Variants in CACNA1C observed in about 807,000 individuals in gnomAD.
CACNA1C encodes calcium voltage-gated channel subunit alpha1 C.
In CACNA1C, 30 loss-of-function variants were observed where a neutral mutation model predicts 229.0. The observed-to-expected ratio is 0.13, with a 90% CI of 0.10 to 0.18. CACNA1C has a LOEUF of 0.18. Ranked by LOEUF, CACNA1C falls within the 10% of genes least tolerant of loss-of-function variation. The probability of loss-of-function intolerance (pLI) is 1.00; values close to 1 mark genes in which losing one functional copy is unlikely to be tolerated. For synonymous variants in CACNA1C, 1,114 were observed against 1,132.5 expected, an observed-to-expected ratio of 0.98 and a Z score of 0.33; for missense variants, 1,658 against 2,845.0, an observed-to-expected ratio of 0.58 and a Z score of 9.49.
chr12:2,168,680 T>C (rs924641008), intron 3 of CACNA1C, among the ~76,000 whole-genome samples: 2 of 152,210 alleles, frequency 1.3e-5, no homozygotes, highest in African/African-American at 4.8e-5. Context: ...TTAAATGGCC[T>C]ACTATTAACC....
chr12:2,169,838 C>T (rs961565783), intron 3 of CACNA1C, among the ~76,000 whole-genome samples: 2 of 152,144 alleles, frequency 1.3e-5, no homozygotes, highest in Non-Finnish European at 2.9e-5. Context: ...AGCATTGCCT[C>T]CAGAATTCTC....
rs1388139880 is a variant in CACNA1C, at chr12:2,504,256, G to T, written c.1114-586G>T. On this transcript the variant is annotated intron_variant, in intron 7 of 46. Coordinates refer to ENST00000399655, the MANE Select transcript of CACNA1C (RefSeq NM_000719.7). This position sits in a 1 kb window ranked among gnomAD's most constrained non-coding sequence, Gnocchi z 6.8. ...GCAGAGCGGGCCGAGGTCCCCTTCGGTCACAGGAGTTCCTTTGAACATGGG... is the reference window on the plus strand; with the variant it reads ...GCAGAGCGGGCCGAGGTCCCCTTCGTTCACAGGAGTTCCTTTGAACATGGG... Among the ~76,000 whole-genome samples, 1 of 152,090 alleles carries T rather than the reference G, an allele frequency of 6.6e-6. No homozygotes were observed. The highest frequency in any genetic ancestry group is 2.4e-5 in the African/African-American group (1 of 41,396).
At chr12:2,640,897 C>G (rs1045599794) in intron 30 of CACNA1C, among the ~76,000 whole-genome samples, 3 of 152,348 alleles carry the variant, frequency 2.0e-5, no homozygotes, top group South Asian at 4.1e-4. Flanking sequence ...CGTCCACCCC[C>G]TCAGGGGTGA....
At chr12:2,076,201 C>T (rs74060144) in intron 1 of CACNA1C, among the ~76,000 whole-genome samples, 4,507 of 152,264 alleles carry the variant, frequency 0.03, 181 homozygotes, top group African/African-American at 0.088. Context: ...CTTTCTCCAA[C>T]GTGCTCACAT....
At chr12:2,686,690 A>C (rs1315734203) in intron 45 of CACNA1C, among the ~76,000 whole-genome samples, 1 of 152,220 alleles carries the variant, frequency 6.6e-6, no homozygotes, top group Non-Finnish European at 1.5e-5. Flanking sequence ...CAGTGACATA[A>C]AGAAGTGATT....
intron 3 of CACNA1C, among the ~76,000 whole-genome samples, chr12:2,145,143 A>G (rs890719035): frequency 6.6e-6 from 1 of 151,366 alleles, no homozygotes; most frequent in Non-Finnish European, 1.5e-5. Context: ...GTCATTACCT[A>G]TTAGCAAGAC....
intron 1 of CACNA1C, among the ~76,000 whole-genome samples, chr12:2,102,408 T>TG (rs896812797): frequency 5.9e-5 from 9 of 152,086 alleles, no homozygotes; most frequent in Admixed American, 5.2e-4. Flanking sequence ...TCTCAGGCGT[T>TG]CAGCAGCTGA....
rs993247561 is a variant in CACNA1C, at chr12:2,678,181, C to G, written c.5091+314C>G. Among the ~76,000 whole-genome samples, 2 of 152,204 alleles carry G rather than the reference C, an allele frequency of 1.3e-5. No individual in the cohort carries two copies. Among genetic ancestry groups the G allele is most frequent in the African/African-American group, 4.8e-5 (2 of 41,460 alleles). On this transcript the variant is annotated intron_variant, in intron 41 of 46. Transcript: ENST00000399655. The surrounding 1 kb of genome is among the most constrained non-coding windows in gnomAD (Gnocchi z 4.1). ...ATTAGAAGTTGCAGAGTGGTCACCC[C>G]TGGGGCACATCTAATCTGCAGGCTT...
At chr12:2,422,803 C>T (rs1249802448) in intron 3 of CACNA1C, among the ~76,000 whole-genome samples, 3 of 152,112 alleles carry the variant, frequency 2.0e-5, no homozygotes, top group Non-Finnish European at 2.9e-5. Flanking sequence ...GCAAGCAAAG[C>T]CCTGGCAATG....
intron 3 of CACNA1C, among the ~76,000 whole-genome samples, chr12:2,190,946 G>A (rs1311891435): frequency 6.6e-6 from 1 of 152,194 alleles, no homozygotes; most frequent in East Asian, 1.9e-4. Flanking sequence ...TAGGGTCTAG[G>A]CCTAGAAAGG....
chr12:2,292,538 C>CGTA (rs1437300815), intron 3 of CACNA1C, among the ~76,000 whole-genome samples: 2 of 152,188 alleles, frequency 1.3e-5, no homozygotes, highest in Admixed American at 6.5e-5. Context: ...CAGGACTTAC[C>CGTA]ACCTGTATGT....
In CACNA1C at chr12:2,000,366, A is replaced by C. The variant is rs11062056; in HGVS notation, c.139+29165A>C. Among the ~76,000 whole-genome samples the C allele has an allele frequency of 1.3e-3, 201 of 152,274 alleles. 2 individuals are homozygous for C. The East Asian group carries it at 0.034, about 26-fold the overall frequency. The stretch of plus-strand genomic sequence containing the variant: ...CTGACCTTGGACTGTTTCATCTTAG[A>C]GATCTGAATAAGGATATCTATATAT... On this transcript the variant is annotated intron_variant, in intron 1 of 46. Transcript: ENST00000682462.
At chr12:2,328,024 CT>C (rs1201609886) in intron 3 of CACNA1C, among the ~76,000 whole-genome samples, 3 of 152,174 alleles carry the variant, frequency 2.0e-5, no homozygotes, top group African/African-American at 4.8e-5. Flanking sequence ...TCCAGATGCC[CT>C]AGATAGGGGG....
At chr12:2,476,038 T>C (rs965164594) in intron 5 of CACNA1C, among the ~76,000 whole-genome samples, 1 of 152,234 alleles carries the variant, frequency 6.6e-6, no homozygotes, top group Non-Finnish European at 1.5e-5. Context: ...AAAGTACAGG[T>C]CCAGGTAGCT....
chr12:2,277,147 T>A (rs1331583867), intron 3 of CACNA1C, among the ~76,000 whole-genome samples: 1 of 152,204 alleles, frequency 6.6e-6, no homozygotes. Flanking sequence ...CTTCTCTTAA[T>A]ACCCCTTGAG....
intron 1 of CACNA1C, chr12:1,993,327 G>A: frequency 6.2e-7 from 1 of 1,614,006 alleles, no homozygotes; most frequent in Non-Finnish European, 8.5e-7. Flanking sequence ...TTAGTAATAG[G>A]TTCTGTCCTA....
At chr12:2,635,859 T>G (rs1276815766) in intron 30 of CACNA1C, among the ~76,000 whole-genome samples, 1 of 152,096 alleles carries the variant, frequency 6.6e-6, no homozygotes, top group Non-Finnish European at 1.5e-5. Flanking sequence ...TGTGTGCATG[T>G]GTGTATGTGT....
At chr12:2,307,412 C>T (rs1402508451) in intron 3 of CACNA1C, among the ~76,000 whole-genome samples, 2 of 152,362 alleles carry the variant, frequency 1.3e-5, no homozygotes, top group East Asian at 1.9e-4. Flanking sequence ...CAGGATCACA[C>T]AGCTCCTTGG....
At chr12:2,161,168 A>G (rs950905314) in intron 3 of CACNA1C, among the ~76,000 whole-genome samples, 3 of 152,202 alleles carry the variant, frequency 2.0e-5, no homozygotes, top group African/African-American at 7.2e-5. Context: ...ATAGCTGTCT[A>G]TCTGTGATAA....
Sources: allele counts gnomAD v4.1 joint callset (sites outside exome capture counted in the v4.1 genomes callset), GRCh38; gene constraint gnomAD v4.1.1; non-coding constraint Gnocchi (gnomAD v3.1); transcripts MANE v1.5; gene names NCBI Gene and HGNC (gene_info 2026-07-23, HGNC 2026-07-21).